The following KCNC4 variants were observed in gnomAD, a reference collection of about 807,000 sequenced individuals.
KCNC4 encodes the protein voltage-gated potassium channel KCNC4.
KCNC4 carries 23 observed loss-of-function variants against 42.8 expected under a neutral mutation model. The ratio of observed to expected loss-of-function variants is 0.54; its 90% confidence interval spans 0.39 to 0.76. The LOEUF (loss-of-function observed/expected upper bound fraction) is 0.76. Ranked by LOEUF, KCNC4 falls within the 30% of genes least tolerant of loss-of-function variation. The probability of loss-of-function intolerance (pLI) is 0.00; values close to 1 mark genes in which losing one functional copy is unlikely to be tolerated. For missense variants in KCNC4, 751 were observed against 898.2 expected, an observed-to-expected ratio of 0.84 and a Z score of 2.10; for synonymous variants, 422 against 393.5, an observed-to-expected ratio of 1.07 and a Z score of -0.86.
chr1:110,268,611 A>AC (rs1491313402), intron 1 of KCNC4, among the ~76,000 whole-genome samples: 1 of 56,576 alleles, frequency 1.8e-5, no homozygotes, highest in Non-Finnish European at 3.3e-5. Flanking sequence ...GTCTCAAAAG[A>AC]AAAAAAAAAA....
intron 1 of KCNC4, among the ~76,000 whole-genome samples, chr1:110,280,693 A>T (rs931817232): frequency 3.9e-5 from 6 of 151,920 alleles, no homozygotes; most frequent in South Asian, 4.2e-4. Context: ...ATAACAACAA[A>T]TTTTTTTTCA....
intron 3 of KCNC4, chr1:110,232,293 T>G: frequency 6.2e-7 from 1 of 1,613,598 alleles, no homozygotes; most frequent in Non-Finnish European, 8.5e-7. Context: ...GCTGGGACTC[T>G]GTTCCTGCCA....
chr1:110,221,147 T>C (rs1658070917), intron 1 of KCNC4: 1 of 152,210 alleles, frequency 6.6e-6, no homozygotes, highest in African/African-American at 2.4e-5. Flanking sequence ...GGGAACAGGA[T>C]CAGTGATTCA....
intron 1 of KCNC4, among the ~76,000 whole-genome samples, chr1:110,254,353 A>G (rs778891694): frequency 1.1e-4 from 17 of 152,204 alleles, no homozygotes; most frequent in Non-Finnish European, 1.3e-4. Flanking sequence ...GAGGATGGTC[A>G]GGGTCACTGT....
chr1:110,257,966 C>T (rs993529215), intron 1 of KCNC4, among the ~76,000 whole-genome samples: 1 of 152,158 alleles, frequency 6.6e-6, no homozygotes, highest in African/African-American at 2.4e-5. Flanking sequence ...ACCTGTCTGC[C>T]CCGTTAGGAG....
At chr1:110,232,361 G>A in intron 3 of KCNC4, 1 of 1,588,492 alleles carries the variant, frequency 6.3e-7, no homozygotes, top group Non-Finnish European at 8.6e-7. Context: ...TTCTTCACCA[G>A]CTCCTTGGGA....
At chr1:110,265,645 T>C (rs1659530284) in intron 1 of KCNC4, among the ~76,000 whole-genome samples, 1 of 152,136 alleles carries the variant, frequency 6.6e-6, no homozygotes, top group Non-Finnish European at 1.5e-5. Context: ...AAAGGCCCAA[T>C]AGTCATCATC....
At chr1:110,215,491 C>T (rs1657749279) in intron 1 of KCNC4, among the ~76,000 whole-genome samples, 1 of 152,220 alleles carries the variant, frequency 6.6e-6, no homozygotes, top group Admixed American at 6.5e-5. Context: ...CCTTCCCCTA[C>T]CCTAGTCTCC....
In KCNC4 at chr1:110,264,535, C is replaced by T. The variant is rs141470567; in HGVS notation, n.31-17999C>T. On this transcript the variant is annotated intron_variant and non_coding_transcript_variant, in intron 1 of 2. Transcript: ENST00000412512. The stretch of plus-strand genomic sequence containing the variant: ...CCAGCAGATCCATTTAGTAGGGGTC[C>T]GGGTTTCTGAAAAACAACTCAGGAA... 2.0e-3 allele frequency among the ~76,000 whole-genome samples: 310 copies of T among 152,198 alleles called. 3 individuals carry two copies. The highest frequency in any genetic ancestry group is 7.0e-3 in the African/African-American group (290 of 41,556).
downstream of KCNC4, chr1:110,238,265 TATA>T (rs541144838): frequency 1.3e-5 from 2 of 152,196 alleles, no homozygotes; most frequent in African/African-American, 2.4e-5. Flanking sequence ...AAGCATATGC[TATA>T]GCCATCAAAT....
rs1658219756 is a variant in KCNC4 at position 110,223,428 on chromosome 1, C to T, written c.1143C>T (p.Phe381=). The T allele has an allele frequency of 6.2e-7, 1 of 1,613,994 alleles. No individual in the cohort carries two copies. Among genetic ancestry groups the T allele is most frequent in the Non-Finnish European group, 8.5e-7 (1 of 1,180,020 alleles). ...GHTLRASTNE[F]LLLIIFLALG... is the part of the protein sequence containing the mutation. Reference sequence around the variant, plus strand: ...CCCTGAGGGCCAGCACCAATGAGTTCCTGCTGCTTATCATCTTCCTGGCCC... The same window carrying T: ...CCCTGAGGGCCAGCACCAATGAGTTTCTGCTGCTTATCATCTTCCTGGCCC... The change falls in exon 2 of 4, where the codon TTC becomes TTT. Residue 381 remains phenylalanine, a synonymous_variant. Coordinates refer to ENST00000438661, the MANE Select transcript of KCNC4 (RefSeq NM_001039574.3). This position sits in a 1 kb window ranked among gnomAD's most constrained non-coding sequence, Gnocchi z 7.5.
chr1:110,225,507 C>G (rs1384260576), intron 2 of KCNC4: 1 of 155,020 alleles, frequency 6.5e-6, no homozygotes, highest in Admixed American at 6.3e-5. Context: ...TTACTGTCAC[C>G]CAGGGAGAAA....
chr1:110,257,584 G>GTA (rs1451488647), intron 1 of KCNC4, among the ~76,000 whole-genome samples: 1 of 152,044 alleles, frequency 6.6e-6, no homozygotes, highest in East Asian at 1.9e-4. Context: ...AGCCAGGCAA[G>GTA]GTGGCGGGCG....
At chr1:110,245,132 T>G (rs1444947378) in exon 4 of KCNC4, 1 of 152,154 alleles carries the variant, frequency 6.6e-6, no homozygotes, top group Non-Finnish European at 1.5e-5. Flanking sequence ...CATGAGGGGC[T>G]GGGGCTGGAG....
chr1:110,281,334 C>G (rs757356677), intron 1 of KCNC4, among the ~76,000 whole-genome samples: 3 of 152,026 alleles, frequency 2.0e-5, no homozygotes, highest in Non-Finnish European at 4.4e-5. Flanking sequence ...CCACCCTACA[C>G]CTGTTTCCAA....
downstream of KCNC4, chr1:110,235,995 T>C (rs1658896571): frequency 6.6e-6 from 1 of 152,132 alleles, no homozygotes; most frequent in Non-Finnish European, 1.5e-5. Flanking sequence ...CTGTAAAGCC[T>C]CGCGCACAGT....
chr1:110,232,372 C>G, intron 3 of KCNC4: 1 of 1,574,488 alleles, frequency 6.4e-7, no homozygotes, highest in Non-Finnish European at 8.6e-7. Context: ...CTCCTTGGGA[C>G]AATGGAATAT....
intron 2 of KCNC4, 109 bp from the exon 3 acceptor site, chr1:110,225,866 C>T (rs1158336612): frequency 4.1e-5 from 43 of 1,051,338 alleles, no homozygotes; most frequent in Non-Finnish European, 5.4e-5. Context: ...ATGCTAGGCC[C>T]CTCCCAAGGT....
Position 110,223,164 on chromosome 1 carries a change from A to C in KCNC4, c.879A>C (p.Thr293=). ...AGGGCGTATGTGTGCTGTGGTTCAC[A>C]CTGGAGTTCCTGGTGCGCATCGTGT... ...YIEGVCVLWF[T]LEFLVRIVCC... is the part of the protein sequence containing the mutation. The change falls in exon 2 of 4, where the codon ACA becomes ACC. Residue 293 remains threonine, a synonymous_variant. Transcript: ENST00000438661. The surrounding 1 kb of genome is among the most constrained non-coding windows in gnomAD (Gnocchi z 7.5). 1 of 1,614,162 alleles carries C rather than the reference A, an allele frequency of 6.2e-7. No individual in the cohort carries two copies. Among genetic ancestry groups the C allele is most frequent in the Non-Finnish European group, 8.5e-7 (1 of 1,179,998 alleles).
Sources: allele counts gnomAD v4.1 joint callset (sites outside exome capture counted in the v4.1 genomes callset), GRCh38; gene constraint gnomAD v4.1.1; non-coding constraint Gnocchi (gnomAD v3.1); transcripts MANE v1.5; gene names NCBI Gene and HGNC (gene_info 2026-07-23, HGNC 2026-07-21).